The following COPG2 variants were observed in gnomAD, a reference collection of about 807,000 sequenced individuals.
COPG2 encodes coatomer subunit gamma-2.
Under a neutral mutation model 46.3 loss-of-function variants are expected in COPG2, and 37 were observed. That is an observed-to-expected ratio of 0.80 (90% CI 0.61 to 1.05). COPG2 has a LOEUF of 1.05. Ranked by LOEUF, COPG2 falls within the 50% of genes least tolerant of loss-of-function variation. The probability of loss-of-function intolerance (pLI) is 0.00; values close to 1 mark genes in which losing one functional copy is unlikely to be tolerated. For synonymous variants in COPG2, 159 were observed against 129.7 expected (o/e 1.23, Z -1.53); for missense variants, 427 against 387.8 (o/e 1.10, Z -0.85).
chr7:130,666,742 T>A, intron 3 of COPG2, 107 bp downstream of exon 3: 1 of 632,880 alleles, frequency 1.6e-6, no homozygotes, highest in Non-Finnish European at 2.7e-6. Flanking sequence ...ATGTTAAAAT[T>A]AAGTGAATTT....
Position 130,554,552 on chromosome 7 carries a change from G to A in COPG2, c.1397C>T (p.Thr466Met), listed in dbSNP as rs1174813614. 2.3e-5 allele frequency: 9 copies of A among 398,478 alleles called. No homozygotes were observed. The South Asian group carries it at 3.8e-4, about 17-fold the overall frequency. 24.7% of individuals were successfully genotyped at this position (398,478 alleles called of 1,614,324 possible). ...LHLLGKEGPRTPVPSKYIRFI... is the reference protein window; with the variant it reads ...LHLLGKEGPRMPVPSKYIRFI... ...ACGGATATATTTGGAGGGGACAGGC[G>A]TTCTAGGGCCCTCTTTGCCCAACAA... Residue 466 changes from threonine to methionine, a missense_variant, in exon 14 of 24, where the codon ACG becomes ATG. Thr to Met is a moderately conservative substitution (Grantham distance 81, BLOSUM62 -1). Transcript: ENST00000425248.
intron 4 of COPG2, among the ~76,000 whole-genome samples, chr7:130,661,765 T>G (rs1456508285): frequency 6.6e-6 from 1 of 152,206 alleles, no homozygotes; most frequent in Non-Finnish European, 1.5e-5. Context: ...GTTAATTAGT[T>G]GTTTCTAGGT....
chr7:130,577,229 C>T (rs993458419), intron 9 of COPG2, among the ~76,000 whole-genome samples: 2 of 152,204 alleles, frequency 1.3e-5, no homozygotes, highest in Admixed American at 6.5e-5. Flanking sequence ...CGCAGAAGAC[C>T]GGTGATTTCT....
intron 9 of COPG2, among the ~76,000 whole-genome samples, chr7:130,606,903 G>A (rs780261371): frequency 5.3e-5 from 8 of 151,982 alleles, no homozygotes; most frequent in South Asian, 2.1e-4. Context: ...TCTTTTTGTC[G>A]TTTCCATTTC....
chr7:130,522,776 T>TA (rs1434429524), intron 20 of COPG2, among the ~76,000 whole-genome samples: 3 of 151,292 alleles, frequency 2.0e-5, no homozygotes, highest in South Asian at 4.2e-4. Context: ...AAAGAAGTAG[T>TA]AAAAAAACGA....
At chr7:130,508,061 T>C (rs965702178) in intron 21 of COPG2, 5 of 446,932 alleles carry the variant, frequency 1.1e-5, no homozygotes, top group Non-Finnish European at 1.2e-5. Context: ...AGTAGTCATG[T>C]TGCACCCACA....
intron 5 of COPG2, among the ~76,000 whole-genome samples, chr7:130,630,348 C>G (rs781940001): frequency 2.6e-5 from 4 of 152,198 alleles, no homozygotes; most frequent in Admixed American, 6.5e-5. Context: ...TTGCAACTTA[C>G]AACTGCTCTT....
At chr7:130,590,872 C>T (rs1481949082) in intron 9 of COPG2, among the ~76,000 whole-genome samples, 2 of 152,064 alleles carry the variant, frequency 1.3e-5, no homozygotes, top group Non-Finnish European at 2.9e-5. Context: ...GCCGCCCCGT[C>T]TGAGAAGTGA....
intron 20 of COPG2, among the ~76,000 whole-genome samples, chr7:130,520,739 G>A (rs914206391): frequency 2.8e-4 from 43 of 152,112 alleles, no homozygotes; most frequent in African/African-American, 1.0e-3. Flanking sequence ...AACTCATCAG[G>A]TGGTAAGTAA....
intron 20 of COPG2, among the ~76,000 whole-genome samples, chr7:130,538,708 T>C (rs1799908524): frequency 6.6e-6 from 1 of 151,880 alleles, no homozygotes; most frequent in Non-Finnish European, 1.5e-5. Flanking sequence ...ACTCATGTGT[T>C]TTGAGTCTAG....
At chr7:130,540,871 G>A (rs1043408195) in intron 20 of COPG2, among the ~76,000 whole-genome samples, 12 of 152,104 alleles carry the variant, frequency 7.9e-5, no homozygotes, top group Non-Finnish European at 1.5e-4. Context: ...CCAATCATCT[G>A]AGGGGTGAGC....
At chr7:130,621,728 A>G (rs1795041853) in intron 5 of COPG2, among the ~76,000 whole-genome samples, 1 of 151,982 alleles carries the variant, frequency 6.6e-6, no homozygotes, top group Admixed American at 6.6e-5. Flanking sequence ...GTGAATAACA[A>G]GGTCAGGAGT....
rs1793655722 is a variant in COPG2 at position 130,557,840 on chromosome 7, C to CAAAAAAAA, written c.1129-2709_1129-2708insTTTTTTTT. 1.5e-3 allele frequency among the ~76,000 whole-genome samples: 34 copies of CAAAAAAAA among 22,364 alleles called. 7 individuals are homozygous for CAAAAAAAA. Among genetic ancestry groups the CAAAAAAAA allele is most frequent in the South Asian group, 6.4e-3 (4 of 624 alleles). 14.7% of individuals were successfully genotyped at this position (22,364 alleles called of 152,430 possible). A position where few individuals can be genotyped will look rare whatever the true frequency, so the allele number is the denominator to read the frequency against. ...CTCAAAAAAAAAAAAAAAAAAAAAT[C>CAAAAAAAA]ATGCAAGAATAGCCAGGAAAACAAT... On this transcript the variant is annotated intron_variant, in intron 12 of 23. Transcript: ENST00000425248.
Position 130,611,006 on chromosome 7 carries a change from A to G in COPG2, c.684T>C (p.Ala228=), listed in dbSNP as rs1554451992. The change falls in exon 9 of 24, where the codon GCT becomes GCC. Residue 228 remains alanine (A), a synonymous_variant. Coordinates refer to ENST00000425248, the MANE Select transcript of COPG2 (RefSeq NM_012133.6). The part of the protein sequence containing the change: ...FTKSGLKSQF[A]YCMLIRIASR... ...TGGCAATTCGGATCAGCATGCAGTA[A>G]GCAAACTGTGACTTGAGACCAGATT... is the stretch of plus-strand genomic sequence containing the variant. 7.4e-6 allele frequency: 12 copies of G among 1,613,970 alleles called. No individual in the cohort carries two copies. Among genetic ancestry groups the G allele is most frequent in the Admixed American group, 1.7e-5 (1 of 60,018 alleles).
At chr7:130,563,755 C>CAAAAA (rs1239944614) in intron 10 of COPG2, among the ~76,000 whole-genome samples, 11 of 88,976 alleles carry the variant, frequency 1.2e-4, no homozygotes, top group Admixed American at 2.7e-4. Context: ...GACTCCGTCT[C>CAAAAA]AAAAAAAAAA....
intron 20 of COPG2, among the ~76,000 whole-genome samples, chr7:130,530,699 G>A (rs1432621058): frequency 1.3e-5 from 2 of 152,080 alleles, no homozygotes; most frequent in African/African-American, 2.4e-5. Flanking sequence ...CAAGGGGAAA[G>A]GCTTCAAGAA....
chr7:130,552,280 T>C (rs1387502352), intron 15 of COPG2, 75 bp downstream of exon 15: 7 of 396,610 alleles, frequency 1.8e-5, no homozygotes, highest in African/African-American at 1.0e-4. Context: ...ATCCGCCCTA[T>C]GGTAGAATGA....
chr7:130,528,730 G>C (rs1160865088), intron 20 of COPG2, among the ~76,000 whole-genome samples: 5 of 151,444 alleles, frequency 3.3e-5, no homozygotes, highest in African/African-American at 1.2e-4. Flanking sequence ...TTCCCTAATG[G>C]GCAAGAAGAA....
At chr7:130,663,347 G>GGGAGAAAATT (rs1796014725) in intron 3 of COPG2, among the ~76,000 whole-genome samples, 1 of 152,122 alleles carries the variant, frequency 6.6e-6, no homozygotes, top group Admixed American at 6.5e-5. Flanking sequence ...TTTACAAGGA[G>GGGAGAAAATT]GGAGAAAATT....
Sources: allele counts gnomAD v4.1 joint callset (sites outside exome capture counted in the v4.1 genomes callset), GRCh38; gene constraint gnomAD v4.1.1; transcripts MANE v1.5; gene names NCBI Gene and HGNC (gene_info 2026-07-23, HGNC 2026-07-21).